The following ANO4 variants were observed in gnomAD, a reference collection of about 807,000 sequenced individuals.
ANO4 encodes the protein anoctamin 4, also known as anoctamin-4.
ANO4 carries 69 observed loss-of-function variants against 141.9 expected under a neutral mutation model. The ratio of observed to expected loss-of-function variants is 0.49; its 90% CI spans 0.40 to 0.59. The LOEUF (loss-of-function observed/expected upper bound fraction) is 0.59. ANO4 is among the 20% of genes least tolerant of loss of function. The pLI, the probability that ANO4 is intolerant of heterozygous loss-of-function variation, is 0.00. For missense variants in ANO4, 894 were observed against 1,162.2 expected (o/e 0.77, Z 3.36); for synonymous variants, 350 against 394.3 (o/e 0.89, Z 1.33).
At position 101,099,720 on chromosome 12, in the gene ANO4, A is replaced by G; in HGVS notation, c.2149A>G (p.Ile717Val). 3 of 1,557,332 alleles carry G rather than the reference A, an allele frequency of 1.9e-6. No individual in the cohort carries two copies. The highest frequency in any genetic ancestry group is 2.6e-6 in the Non-Finnish European group (3 of 1,161,070). ...YGLFDEYLEM[I>V]LQFGFTTIFV... ...ACTCTTCGATGAATACTTAGAAATG[A>G]GTATGGAAATATTCTACTTTATCTT... Residue 717 changes from isoleucine to valine, a missense_variant and splice_region_variant, in exon 22 of 28, where the codon ATT becomes GTT. Physicochemically the swap from Ile to Val is conservative, Grantham distance 29 (BLOSUM62 3). Coordinates refer to ENST00000392977, the MANE Select transcript of ANO4 (RefSeq NM_001286615.2).
At chr12:100,951,259 G>A (rs1431120202) in intron 5 of ANO4, among the ~76,000 whole-genome samples, 1 of 152,166 alleles carries the variant, frequency 6.6e-6, no homozygotes, top group Non-Finnish European at 1.5e-5. Flanking sequence ...TTCAATCACT[G>A]TGGAAAGCAG....
At chr12:101,050,777 C>T (rs2047831924) in intron 14 of ANO4, among the ~76,000 whole-genome samples, 1 of 152,142 alleles carries the variant, frequency 6.6e-6, no homozygotes, top group Non-Finnish European at 1.5e-5. Context: ...GAGGAGCCTC[C>T]TCATGGCCAT....
intron 15 of ANO4, among the ~76,000 whole-genome samples, chr12:101,080,865 G>GATATATATATATT (rs1555296491): frequency 1.8e-5 from 2 of 109,372 alleles, no homozygotes; most frequent in African/African-American, 3.3e-5. Flanking sequence ...CTAGGTTCTA[G>GATATATATATATT]ATATATATAT....
intron 5 of ANO4, among the ~76,000 whole-genome samples, chr12:100,944,280 G>T (rs73375004): frequency 0.058 from 8,794 of 152,136 alleles, 787 homozygotes; most frequent in African/African-American, 0.19. Context: ...CTGTTGTACA[G>T]TTGTGCTGCA....
rs138751877 is a variant in ANO4 at position 100,892,739 on chromosome 12, C to T, written c.-140-8907C>T. Among the ~76,000 whole-genome samples, 566 of 151,880 alleles carry T rather than the reference C, an allele frequency of 3.7e-3. 4 individuals carry two copies. The highest frequency in any genetic ancestry group is 0.013 in the African/African-American group (525 of 41,394). On this transcript the variant is annotated intron_variant, in intron 1 of 27. Transcript: ENST00000392977. ...AAATGATATGTAAATAGTTGTTATA[C>T]TGTATTTTAAAATTTATTTTCCTTT...
At chr12:100,877,507 T>C (rs950343875) in intron 1 of ANO4, among the ~76,000 whole-genome samples, 2 of 144,660 alleles carry the variant, frequency 1.4e-5, no homozygotes, top group Non-Finnish European at 3.1e-5. Context: ...GACCACGTGC[T>C]TTTTTTTTTT....
chr12:100,871,876 A>C (rs1004160694), intron 1 of ANO4, among the ~76,000 whole-genome samples: 1 of 152,160 alleles, frequency 6.6e-6, no homozygotes, highest in Non-Finnish European at 1.5e-5. Flanking sequence ...TCCTAATGTC[A>C]TCACATTGAG....
chr12:100,996,688 A>C (rs939173398), intron 8 of ANO4, among the ~76,000 whole-genome samples: 1 of 152,156 alleles, frequency 6.6e-6, no homozygotes, highest in South Asian at 2.1e-4. Flanking sequence ...TCCGTCTCAA[A>C]AGGCAGTGGG....
At chr12:100,839,761 A>G (rs962864705) in intron 1 of ANO4, among the ~76,000 whole-genome samples, 3 of 152,066 alleles carry the variant, frequency 2.0e-5, no homozygotes, top group East Asian at 3.9e-4. Flanking sequence ...GCTGCCCACT[A>G]GTTAATTTAG....
chr12:100,873,888 A>C (rs1299316792), intron 1 of ANO4, among the ~76,000 whole-genome samples: 4 of 152,206 alleles, frequency 2.6e-5, no homozygotes, highest in Non-Finnish European at 5.9e-5. Flanking sequence ...CTAGGAGGGA[A>C]GAGTGGTTTT....
rs76972238 is a variant in ANO4 at position 100,927,529 on chromosome 12, C to T, written c.160+5199C>T. ...AAGAGGTAAGCATTTTAAAATATTT[C>T]CTTCTGAAACTTGATTGAGAATCAT... On this transcript the variant is annotated intron_variant, in intron 3 of 27. Transcript: ENST00000392977. 5.0e-3 allele frequency among the ~76,000 whole-genome samples: 766 copies of T among 152,154 alleles called. 10 individuals carry two copies. The highest frequency in any genetic ancestry group is 0.018 in the African/African-American group (738 of 41,532).
intron 1 of ANO4, among the ~76,000 whole-genome samples, chr12:100,813,718 G>A (rs1158373960): frequency 6.6e-6 from 1 of 152,154 alleles, no homozygotes; most frequent in Non-Finnish European, 1.5e-5. Context: ...ATAAAAAGGA[G>A]CTTGAGCTTG....
chr12:100,736,283 G>A (rs1334340512), intron 2 of ANO4, among the ~76,000 whole-genome samples: 1 of 152,122 alleles, frequency 6.6e-6, no homozygotes, highest in African/African-American at 2.4e-5. Context: ...CAAACACTTT[G>A]GGGAGCTTTC....
chr12:100,724,492 G>C (rs1053858621), intron 1 of ANO4, among the ~76,000 whole-genome samples: 2 of 152,172 alleles, frequency 1.3e-5, no homozygotes, highest in African/African-American at 4.8e-5. Context: ...TATCTCTCCT[G>C]CCTGTCTTCT....
intron 1 of ANO4, among the ~76,000 whole-genome samples, chr12:100,895,318 A>G (rs1051596522): frequency 6.6e-6 from 1 of 152,144 alleles, no homozygotes; most frequent in African/African-American, 2.4e-5. Flanking sequence ...ACAGAACGAC[A>G]AATGTTCCTG....
intron 3 of ANO4, among the ~76,000 whole-genome samples, chr12:100,747,822 G>A (rs1037257983): frequency 2.0e-5 from 3 of 152,178 alleles, no homozygotes; most frequent in Non-Finnish European, 2.9e-5. Context: ...GCAGTGATTC[G>A]AGATTGCACC....
At chr12:100,825,292 C>G (rs2036269443) in intron 1 of ANO4, among the ~76,000 whole-genome samples, 1 of 151,906 alleles carries the variant, frequency 6.6e-6, no homozygotes, top group South Asian at 2.1e-4. Flanking sequence ...ATCTGGAGAG[C>G]TAATATTTAT....
At chr12:100,740,161 A>T (rs1194581760) in intron 3 of ANO4, 2 of 688,706 alleles carry the variant, frequency 2.9e-6, no homozygotes, top group Non-Finnish European at 2.7e-6. Flanking sequence ...AGATTCCTTC[A>T]TGCATTTGCC....
In ANO4 at chr12:101,016,803, A is replaced by G. The variant is rs578040013; in HGVS notation, c.735-3231A>G. 3.3e-5 allele frequency among the ~76,000 whole-genome samples: 5 copies of G among 152,232 alleles called. No individual in the cohort carries two copies. In the South Asian group the frequency reaches 6.2e-4, roughly 19 times the overall value. ...ATCTTCAATGCCAGCCAGTGGGCTC[A>G]GCACTGCGTGTCATCTCACTTAATT... On this transcript the variant is annotated intron_variant, in intron 8 of 27. Coordinates refer to ENST00000392977, the MANE Select transcript of ANO4 (RefSeq NM_001286615.2).
Sources: allele counts gnomAD v4.1 joint callset (sites outside exome capture counted in the v4.1 genomes callset), GRCh38; gene constraint gnomAD v4.1.1; transcripts MANE v1.5; gene names NCBI Gene and HGNC (gene_info 2026-07-23, HGNC 2026-07-21).